TOP3A: variants seen among roughly 807,000 people sequenced by gnomAD.
TOP3A encodes DNA topoisomerase 3-alpha.
In TOP3A, 64 loss-of-function variants were observed where a neutral mutation model predicts 111.3. That is an observed-to-expected ratio of 0.57 (90% confidence interval 0.47 to 0.71). The LOEUF (loss-of-function observed/expected upper bound fraction) is 0.71. Ranked by LOEUF, TOP3A falls within the 30% of genes least tolerant of loss-of-function variation. TOP3A has a pLI of 0.00. For synonymous variants in TOP3A, 484 were observed against 485.1 expected, an observed-to-expected ratio of 1.00 and a Z score of 0.03; for missense variants, 1,104 against 1,285.0, an observed-to-expected ratio of 0.86 and a Z score of 2.15.
At chr17:18,305,486 A>ACACG (rs1164323613) in intron 4 of TOP3A, among the ~76,000 whole-genome samples, 10 of 149,414 alleles carry the variant, frequency 6.7e-5, no homozygotes, top group South Asian at 2.1e-4. Flanking sequence ...ACACACACAC[A>ACACG]CGCGCGCGCG....
chr17:18,279,508 G>A (rs1405627465), intron 17 of TOP3A, among the ~76,000 whole-genome samples: 3 of 86,952 alleles, frequency 3.5e-5, no homozygotes, highest in Admixed American at 2.0e-4. Context: ...CACCCACCTC[G>A]GCCTCCCAAA....
chr17:18,290,272 C>T (rs1980382460), intron 13 of TOP3A, among the ~76,000 whole-genome samples: 1 of 152,246 alleles, frequency 6.6e-6, no homozygotes, highest in South Asian at 2.1e-4. Flanking sequence ...TGGGTGCTCC[C>T]AGTTGGGCCC....
At chr17:18,307,199 A>C (rs1981631532) in intron 3 of TOP3A, 1 of 392,282 alleles carries the variant, frequency 2.5e-6, no homozygotes, top group Non-Finnish European at 4.6e-6. Context: ...ATGCAATCCA[A>C]TGGCTGCATG....
chr17:18,313,855 T>C (rs182696038), intron 1 of TOP3A, among the ~76,000 whole-genome samples: 1 of 152,336 alleles, frequency 6.6e-6, no homozygotes, highest in African/African-American at 2.4e-5. Flanking sequence ...ACCCATGCTC[T>C]TAGAAAAGTT....
In TOP3A at chr17:18,277,766, T is replaced by C; in HGVS notation, c.2736A>G (p.Gly912=). ...TGTGGAACTGGCGCCCCTTGTTGGG[T>C]CCATCCTTCTGCACAGTCCGTGTGA... ...PSVTRTVQKD[G]PNKGRQFHTC... is the part of the protein sequence containing the mutation. The change falls in exon 18 of 19, where the codon GGA becomes GGG. Residue 912 remains glycine, a synonymous_variant. Coordinates refer to ENST00000321105, the MANE Select transcript of TOP3A (RefSeq NM_004618.5). 1 of 1,614,194 alleles carries C rather than the reference T, an allele frequency of 6.2e-7. No individual in the cohort carries two copies. Among genetic ancestry groups the C allele is most frequent in the African/African-American group, 1.3e-5 (1 of 75,066 alleles).
chr17:18,295,768 A>G (rs1026657073), intron 9 of TOP3A, among the ~76,000 whole-genome samples: 3 of 140,116 alleles, frequency 2.1e-5, no homozygotes, highest in African/African-American at 8.1e-5. Flanking sequence ...CCAGAAATCT[A>G]CATTTTTTTT....
In TOP3A at chr17:18,292,763, C is replaced by G. The variant is rs770586187; in HGVS notation, c.1163G>C (p.Arg388Pro). 6.2e-7 allele frequency: 1 copy of G among 1,613,856 alleles called. No individual in the cohort carries two copies. Among genetic ancestry groups the G allele is most frequent in the East Asian group, 2.2e-5 (1 of 44,830 alleles). The change falls in exon 11 of 19, where the codon CGC (arginine) becomes CCC (proline). Residue 388 changes from arginine (R) to proline (P), a missense_variant. Physicochemically the swap from Arg to Pro is moderately radical, Grantham distance 103. Coordinates refer to ENST00000321105, the MANE Select transcript of TOP3A (RefSeq NM_004618.5). ...VLVEQQTPDP[R>P]WGAFAQSILE... ...AATGCTCTGGGCAAAGGCCCCCCAG[C>G]GTGGATCGGGGGTCTGCTGTTCCAC... is the stretch of plus-strand genomic sequence containing the variant.
At chr17:18,307,376 A>C (rs1463830445) in intron 3 of TOP3A, 2 of 157,662 alleles carry the variant, frequency 1.3e-5, no homozygotes, top group African/African-American at 4.8e-5. Context: ...AGGTGGGTGG[A>C]TCACGAGGTC....
intron 1 of TOP3A, among the ~76,000 whole-genome samples, chr17:18,311,573 C>T (rs1981915363): frequency 6.6e-6 from 1 of 152,218 alleles, no homozygotes; most frequent in Non-Finnish European, 1.5e-5. Context: ...GGATTACAGG[C>T]ATGAGCCGCT....
chr17:18,286,503 G>A (rs1224559796), intron 13 of TOP3A, among the ~76,000 whole-genome samples: 1 of 152,108 alleles, frequency 6.6e-6, no homozygotes, highest in African/African-American at 2.4e-5. Flanking sequence ...GCAACAGAGC[G>A]AGACTCCACC....
At chr17:18,300,682 A>G (rs530366853) in intron 8 of TOP3A, among the ~76,000 whole-genome samples, 7 of 152,134 alleles carry the variant, frequency 4.6e-5, no homozygotes, top group Non-Finnish European at 8.8e-5. Context: ...CAGCCTCCCA[A>G]GTAGATGGAA....
intron 5 of TOP3A, among the ~76,000 whole-genome samples, chr17:18,304,798 G>T (rs1300450327): frequency 6.6e-6 from 1 of 151,808 alleles, no homozygotes; most frequent in Non-Finnish European, 1.5e-5. Flanking sequence ...CAAGGAGCCG[G>T]GTATCTGCTT....
chr17:18,307,010 G>A, intron 3 of TOP3A, 44 bp from the exon 4 acceptor site: 1 of 1,416,090 alleles, frequency 7.1e-7, no homozygotes, highest in Non-Finnish European at 9.9e-7. Context: ...GTACATGACA[G>A]AGAGCCCTCC....
intron 1 of TOP3A, among the ~76,000 whole-genome samples, chr17:18,309,709 C>CTTTTT (rs749580212): frequency 7.8e-6 from 1 of 128,784 alleles, no homozygotes; most frequent in African/African-American, 3.1e-5. Context: ...TATAGAAGTT[C>CTTTTT]TTTTTTTTTT....
chr17:18,278,092 C>G lies in TOP3A; in HGVS notation c.2410G>C (p.Ala804Pro). 1 of 1,614,202 alleles carries G rather than the reference C, an allele frequency of 6.2e-7. No homozygotes were observed. The highest frequency in any genetic ancestry group is 8.5e-7 in the Non-Finnish European group (1 of 1,180,028). Residue 804 changes from alanine (A) to proline (P), a missense_variant, in exon 18 of 19, where the codon GCT (alanine) becomes CCT (proline). Coordinates refer to ENST00000321105, the MANE Select transcript of TOP3A (RefSeq NM_004618.5). ...GTCACAGAATTGCTTTCACCAGCAG[C>G]CGTGGGTGGTGGGAGGGTCTGGGCC... The part of the protein sequence containing the change: ...ALAQTLPPPT[A>P]AGESNSVTCN...
intron 9 of TOP3A, among the ~76,000 whole-genome samples, chr17:18,297,078 T>C (rs1980855029): frequency 6.6e-6 from 1 of 152,200 alleles, no homozygotes; most frequent in Admixed American, 6.5e-5. Context: ...TGTCTTCCTC[T>C]TTTTGTTTCC....
intron 18 of TOP3A, among the ~76,000 whole-genome samples, chr17:18,277,085 G>C (rs1979419251): frequency 6.6e-6 from 1 of 151,500 alleles, no homozygotes; most frequent in South Asian, 2.1e-4. Context: ...CTGGGAGGCT[G>C]AGGCAGGAGA....
chr17:18,306,624 A>C, intron 4 of TOP3A: 1 of 328,576 alleles, frequency 3.0e-6, no homozygotes, highest in Non-Finnish European at 5.7e-6. Context: ...CCTTGGCCCC[A>C]CAAATTGCTG....
Position 18,308,901 on chromosome 17 carries a change from T to C in TOP3A, c.221A>G (p.Asp74Gly). The C allele has an allele frequency of 6.4e-7, 1 of 1,568,396 alleles. No homozygotes were observed. Among genetic ancestry groups the C allele is most frequent in the Non-Finnish European group, 8.7e-7 (1 of 1,153,090 alleles). Residue 74 changes from aspartate to glycine, a missense_variant, in exon 2 of 19, where the codon GAT becomes GGT. Asp to Gly is a moderately conservative substitution (Grantham distance 94, BLOSUM62 -1). Coordinates refer to ENST00000321105, the MANE Select transcript of TOP3A (RefSeq NM_004618.5). Reference sequence around the variant, plus strand: ...ACCTACCTGGCCATACAGATGATAATCAAATTCATAGATCTTGTTGAATTT... The same window carrying C: ...ACCTACCTGGCCATACAGATGATAACCAAATTCATAGATCTTGTTGAATTT... ...LSKFNKIYEFDYHLYGQNVTM... is the reference protein window; with the variant it reads ...LSKFNKIYEFGYHLYGQNVTM...
Sources: allele counts gnomAD v4.1 joint callset (sites outside exome capture counted in the v4.1 genomes callset), GRCh38; gene constraint gnomAD v4.1.1; transcripts MANE v1.5; gene names NCBI Gene and HGNC (gene_info 2026-07-23, HGNC 2026-07-21).